RFC1: variants seen among roughly 807,000 people sequenced by gnomAD.
RFC1 encodes the protein replication factor C subunit 1.
RFC1 carries 37 observed loss-of-function variants against 137.4 expected under a neutral mutation model. That is an observed-to-expected ratio of 0.27 (90% CI 0.21 to 0.35). The LOEUF is 0.35. Among genes scored for constraint, RFC1 ranks in the 10% least tolerant of loss-of-function variants. The probability of loss-of-function intolerance (pLI) is 1.00; values close to 1 mark genes in which losing one functional copy is unlikely to be tolerated. For missense variants in RFC1, 1,205 were observed against 1,358.5 expected (o/e 0.89, Z 1.78); for synonymous variants, 429 against 455.7 (o/e 0.94, Z 0.75).
At chr4:39,336,751 C>T (rs1007611997) in intron 4 of RFC1, among the ~76,000 whole-genome samples, 1 of 152,280 alleles carries the variant, frequency 6.6e-6, no homozygotes, top group Non-Finnish European at 1.5e-5. Flanking sequence ...TTGAGAAACA[C>T]TGATTTATGG....
At chr4:39,327,802 G>A in intron 4 of RFC1, 46 bp from the exon 5 acceptor site, 1 of 1,374,834 alleles carries the variant, frequency 7.3e-7, no homozygotes. Flanking sequence ...CATCAATTCG[G>A]TTATACAAAG....
Position 39,366,291 on chromosome 4 carries a change from G to T in RFC1, c.-50C>A. ...GCTGGCTGGCGGGTGGGCCGGTTGA[G>T]GAATCTGTTATCGAGGCTCAGGATC... On this transcript the variant is annotated 5_prime_UTR_variant, in exon 1 of 25. Coordinates refer to ENST00000349703, the MANE Select transcript of RFC1 (RefSeq NM_002913.5). 1 of 1,514,772 alleles carries T rather than the reference G, an allele frequency of 6.6e-7. No individual in the cohort carries two copies. 93.8% of individuals were successfully genotyped at this position (1,514,772 alleles called of 1,614,324 possible). A position where few individuals can be genotyped will look rare whatever the true frequency, so the allele number is the denominator to read the frequency against.
intron 2 of RFC1, 103 bp from the exon 3 acceptor site, chr4:39,345,579 G>A (rs1222986042): frequency 1.1e-6 from 1 of 878,118 alleles, no homozygotes; most frequent in African/African-American, 1.7e-5. Flanking sequence ...GGAGCGCAGT[G>A]GCACGATCTC....
At chr4:39,309,849 C>T (rs1738880574) in intron 12 of RFC1, among the ~76,000 whole-genome samples, 1 of 152,114 alleles carries the variant, frequency 6.6e-6, no homozygotes, top group Non-Finnish European at 1.5e-5. Context: ...AAAATTAGTG[C>T]CTCTTTAGCA....
chr4:39,300,766 A>T (rs1309565753), intron 19 of RFC1, among the ~76,000 whole-genome samples: 1 of 152,174 alleles, frequency 6.6e-6, no homozygotes, highest in Non-Finnish European at 1.5e-5. Context: ...AATATTATTC[A>T]ACATTAAAAA....
intron 21 of RFC1, among the ~76,000 whole-genome samples, chr4:39,298,085 G>T (rs897711616): frequency 3.3e-5 from 5 of 152,172 alleles, no homozygotes; most frequent in African/African-American, 9.7e-5. Flanking sequence ...GAGATGGGCA[G>T]ACAGCTTGCA....
chr4:39,326,800 A>G (rs1053604276), intron 5 of RFC1, among the ~76,000 whole-genome samples, 160 bp from the exon 6 acceptor site: 2 of 152,176 alleles, frequency 1.3e-5, no homozygotes, highest in African/African-American at 4.8e-5. Flanking sequence ...ATTTATGGCT[A>G]CTCCCTGACC....
intron 14 of RFC1, among the ~76,000 whole-genome samples, chr4:39,305,313 T>C (rs755743681): frequency 2.0e-5 from 3 of 152,042 alleles, no homozygotes; most frequent in Non-Finnish European, 4.4e-5. Context: ...ATTAATCTAG[T>C]ATAAGATACC....
At chr4:39,314,719 C>T (rs1229163195) in intron 10 of RFC1, among the ~76,000 whole-genome samples, 1 of 152,102 alleles carries the variant, frequency 6.6e-6, no homozygotes, top group Non-Finnish European at 1.5e-5. Context: ...CACTCCGGTC[C>T]CAGCTACACC....
Position 39,302,481 on chromosome 4 carries a change from T to C in RFC1, c.2436+19A>G. The stretch of plus-strand genomic sequence containing the variant: ...TTAAAAATAATCAACAACTGTTACA[T>C]GATATATATTTAATTTACCTGTCTG... On this transcript the variant is annotated intron_variant, in intron 18 of 24. Transcript: ENST00000349703. The C allele has an allele frequency of 6.5e-7, 1 of 1,532,260 alleles. No individual in the cohort carries two copies. Among genetic ancestry groups the C allele is most frequent in the Non-Finnish European group, 9.0e-7 (1 of 1,106,466 alleles). The allele number at this position is 1,532,260 out of a possible 1,614,324, so 94.9% of individuals were successfully genotyped here.
In RFC1 at chr4:39,290,651, C is replaced by T. The variant is rs527422594; in HGVS notation, c.3169-612G>A. 2.0e-5 allele frequency among the ~76,000 whole-genome samples: 3 copies of T among 152,024 alleles called. No individual in the cohort carries two copies. In the East Asian group the frequency reaches 5.8e-4, roughly 29 times the overall value. ...CCAACATAGGGAAACCCCATTTCTA[C>T]TAAAAATACAAAACTTAGCCAGGCG... On this transcript the variant is annotated intron_variant, in intron 23 of 24. Coordinates refer to ENST00000349703, the MANE Select transcript of RFC1 (RefSeq NM_002913.5).
At chr4:39,306,452 T>C (rs1382460629) in intron 14 of RFC1, 140 bp downstream of exon 14, 2 of 560,738 alleles carry the variant, frequency 3.6e-6, no homozygotes, top group African/African-American at 1.9e-5. Flanking sequence ...CTAAAGGTTT[T>C]ATCTTAGAAA....
intron 2 of RFC1, among the ~76,000 whole-genome samples, chr4:39,348,366 T>C (rs1356579809): frequency 2.8e-5 from 4 of 144,220 alleles, no homozygotes; most frequent in South Asian, 2.2e-4. Context: ...GAGGTTGCAG[T>C]GAGCCGAGAT....
intron 1 of RFC1, among the ~76,000 whole-genome samples, chr4:39,363,371 C>G (rs1020858066): frequency 6.6e-6 from 1 of 152,176 alleles, no homozygotes; most frequent in Non-Finnish European, 1.5e-5. Flanking sequence ...CTGGAGGCAA[C>G]AAATGTTATC....
At chr4:39,308,592 G>A in intron 13 of RFC1, 44 bp downstream of exon 13, 1 of 1,567,286 alleles carries the variant, frequency 6.4e-7, no homozygotes, top group African/African-American at 1.4e-5. Flanking sequence ...GCAATCACAT[G>A]TTGATATACA....
In RFC1 at chr4:39,355,092, A is replaced by C. The variant is rs1741397034; in HGVS notation, c.4-3616T>G. Reference sequence around the variant, plus strand: ...GCGACACTCATCTCAAAAAAAAAAAAAAAAATACACACACACACACACACA... The same window carrying C: ...GCGACACTCATCTCAAAAAAAAAAACAAAAATACACACACACACACACACA... On this transcript the variant is annotated intron_variant, in intron 1 of 24. Transcript: ENST00000349703. Among the ~76,000 whole-genome samples, 4 of 86,064 alleles carry C rather than the reference A, an allele frequency of 4.6e-5. No individual in the cohort carries two copies. In the South Asian group the frequency reaches 1.8e-3, roughly 38 times the overall value. The allele number at this position is 86,064 out of a possible 152,430, so 56.5% of individuals were successfully genotyped here. A position where few individuals can be genotyped will look rare whatever the true frequency, so the allele number is the denominator to read the frequency against.
At chr4:39,294,592 C>A (rs560583736) in intron 22 of RFC1, among the ~76,000 whole-genome samples, 4 of 152,042 alleles carry the variant, frequency 2.6e-5, no homozygotes, top group Admixed American at 1.3e-4. Context: ...ATTGCTTGAA[C>A]CTCAGAGGTG....
chr4:39,314,978 A>G (rs926740324), intron 10 of RFC1, among the ~76,000 whole-genome samples: 2 of 151,796 alleles, frequency 1.3e-5, no homozygotes. Flanking sequence ...AAATACTTAA[A>G]TCTCCCCCTA....
intron 22 of RFC1, among the ~76,000 whole-genome samples, chr4:39,295,066 C>T (rs1194864649): frequency 1.3e-5 from 2 of 152,186 alleles, no homozygotes; most frequent in Non-Finnish European, 2.9e-5. Context: ...TTCCAAGTTT[C>T]TAAAGTTCAA....
Sources: allele counts gnomAD v4.1 joint callset (sites outside exome capture counted in the v4.1 genomes callset), GRCh38; gene constraint gnomAD v4.1.1; transcripts MANE v1.5; gene names NCBI Gene and HGNC (gene_info 2026-07-23, HGNC 2026-07-21).